Variants in CALN1 observed in about 807,000 individuals in gnomAD.
CALN1 encodes the protein calneuron 1.
In CALN1, 17 loss-of-function variants were observed where a neutral mutation model predicts 30.6. The observed-to-expected ratio is 0.56, with a 90% CI of 0.38 to 0.83. The LOEUF (loss-of-function observed/expected upper bound fraction) is 0.83. CALN1 is among the 40% of genes least tolerant of loss of function. CALN1 has a pLI of 0.00. For synonymous variants in CALN1, 156 were observed against 131.4 expected (o/e 1.19, Z -1.28); for missense variants, 291 against 354.9 (o/e 0.82, Z 1.45).
chr7:71,995,645 A>T (rs1799215221), intron 5 of CALN1, among the ~76,000 whole-genome samples: 1 of 152,070 alleles, frequency 6.6e-6, no homozygotes, highest in Non-Finnish European at 1.5e-5. Flanking sequence ...ACAGGCAAGG[A>T]GGATCTATTG....
intron 4 of CALN1, among the ~76,000 whole-genome samples, chr7:72,091,828 G>A (rs527320841): frequency 5.9e-5 from 9 of 152,304 alleles, no homozygotes; most frequent in African/African-American, 2.2e-4. Context: ...ATTTTAACAG[G>A]AGAAATGTAT....
intron 5 of CALN1, among the ~76,000 whole-genome samples, chr7:71,907,954 G>A (rs981427454): frequency 1.2e-4 from 18 of 152,220 alleles, no homozygotes; most frequent in African/African-American, 3.9e-4. Context: ...GCGTGTGTGC[G>A]CGTGGACATG....
chr7:71,828,570 T>C (rs1370980603), intron 5 of CALN1, among the ~76,000 whole-genome samples: 1 of 152,066 alleles, frequency 6.6e-6, no homozygotes, highest in Admixed American at 6.6e-5. Flanking sequence ...TGCAACCATC[T>C]GTCTCTCATC....
At chr7:72,108,940 T>A (rs1409278697) in intron 3 of CALN1, among the ~76,000 whole-genome samples, 5 of 152,198 alleles carry the variant, frequency 3.3e-5, no homozygotes, top group Non-Finnish European at 5.9e-5. Flanking sequence ...ATAGCCAAGT[T>A]ATCTCCCTTT....
At chr7:71,837,243 C>CAAAAAAAAAAAAAAAAAAAAA (rs55977265) in intron 5 of CALN1, among the ~76,000 whole-genome samples, 24 of 79,112 alleles carry the variant, frequency 3.0e-4, no homozygotes, top group African/African-American at 5.8e-4. Context: ...AAAAAAAAGA[C>CAAAAAAAAAAAAAAAAAAAAA]AAAAAAAAAA....
intron 3 of CALN1, among the ~76,000 whole-genome samples, chr7:72,267,233 A>AC (rs1202949827): frequency 1.3e-5 from 2 of 152,156 alleles, no homozygotes; most frequent in Admixed American, 6.5e-5. Flanking sequence ...ACGGGATAAA[A>AC]CAGTAGGGGA....
At chr7:72,187,439 C>G (rs1007235968) in intron 3 of CALN1, among the ~76,000 whole-genome samples, 1 of 152,194 alleles carries the variant, frequency 6.6e-6, no homozygotes, top group Non-Finnish European at 1.5e-5. Context: ...GGTGAGGGAA[C>G]ATTACCTCCT....
intron 5 of CALN1, among the ~76,000 whole-genome samples, chr7:71,926,788 T>A (rs1795292389): frequency 6.6e-6 from 1 of 152,220 alleles, no homozygotes; most frequent in Admixed American, 6.5e-5. Context: ...CAGTGATAAG[T>A]CCATCAAAGT....
At position 72,140,276 on chromosome 7, in the gene CALN1, AAG is replaced by A. The variant is rs71069028; in HGVS notation, c.245-33984_245-33983del. On this transcript the variant is annotated intron_variant, in intron 3 of 6. Coordinates refer to ENST00000395275, the MANE Select transcript of CALN1 (RefSeq NM_031468.4). Reference sequence around the variant, plus strand: ...ACAGAGTGAGACCTTGTCTCAAAATAAGAGAGAGAGAGAGAGAGAGAGAGAGA... The same window carrying A: ...ACAGAGTGAGACCTTGTCTCAAAATAAGAGAGAGAGAGAGAGAGAGAGAGA... 6.5e-3 allele frequency among the ~76,000 whole-genome samples: 783 copies of A among 119,908 alleles called. 8 individuals are homozygous for A. Among genetic ancestry groups the A allele is most frequent in the Non-Finnish European group, 0.01 (606 of 59,338 alleles). 78.7% of individuals were successfully genotyped at this position (119,908 alleles called of 152,430 possible). A position where few individuals can be genotyped will look rare whatever the true frequency, so the allele number is the denominator to read the frequency against.
intron 2 of CALN1, among the ~76,000 whole-genome samples, chr7:72,296,223 A>G (rs1364699525): frequency 6.6e-6 from 1 of 150,728 alleles, no homozygotes; most frequent in Admixed American, 6.7e-5. Flanking sequence ...CCACTTGATC[A>G]TGGTGGATAA....
intron 5 of CALN1, among the ~76,000 whole-genome samples, chr7:71,881,511 C>A (rs1439007909): frequency 6.6e-6 from 1 of 152,170 alleles, no homozygotes; most frequent in Non-Finnish European, 1.5e-5. Flanking sequence ...CTCCATTCCC[C>A]AACTTCTCCC....
At chr7:72,287,319 G>C (rs10950305) in intron 2 of CALN1, among the ~76,000 whole-genome samples, 1 of 151,878 alleles carries the variant, frequency 6.6e-6, no homozygotes, top group Admixed American at 6.6e-5. Context: ...TTGCTGTGCC[G>C]ATCTTTAAAT....
intron 4 of CALN1, among the ~76,000 whole-genome samples, chr7:72,053,804 C>T (rs1802996576): frequency 6.6e-6 from 1 of 151,672 alleles, no homozygotes; most frequent in Non-Finnish European, 1.5e-5. Flanking sequence ...ACCCTTCCCC[C>T]CAGGTCCCCA....
chr7:72,189,255 G>A (rs1036052880), intron 3 of CALN1, among the ~76,000 whole-genome samples: 2 of 152,270 alleles, frequency 1.3e-5, no homozygotes, highest in East Asian at 1.9e-4. Flanking sequence ...GAGCCAAGTG[G>A]TTGCACTATT....
At chr7:71,973,664 A>G (rs1309254918) in intron 5 of CALN1, among the ~76,000 whole-genome samples, 2 of 152,182 alleles carry the variant, frequency 1.3e-5, no homozygotes, top group African/African-American at 4.8e-5. Context: ...GTAAACCCTC[A>G]TTAAGAATTT....
intron 5 of CALN1, among the ~76,000 whole-genome samples, chr7:71,868,371 T>C (rs66620792): frequency 2.0e-5 from 2 of 98,084 alleles, no homozygotes; most frequent in African/African-American, 6.0e-5. Flanking sequence ...TGCTACACAC[T>C]TTTTTTTTTT....
At chr7:71,864,341 C>A (rs1791468354) in intron 5 of CALN1, among the ~76,000 whole-genome samples, 1 of 152,142 alleles carries the variant, frequency 6.6e-6, no homozygotes. Flanking sequence ...GTGAACCAGG[C>A]TCTGGTTGGC....
intron 5 of CALN1, among the ~76,000 whole-genome samples, chr7:71,913,116 G>A (rs1236315938): frequency 6.6e-6 from 1 of 152,224 alleles, no homozygotes; most frequent in Non-Finnish European, 1.5e-5. Flanking sequence ...GGATGTGCAT[G>A]ATCCACTCAG....
chr7:72,200,944 A>G (rs1488978277), intron 3 of CALN1, among the ~76,000 whole-genome samples: 1 of 152,240 alleles, frequency 6.6e-6, no homozygotes, highest in African/African-American at 2.4e-5. Context: ...TACCCAAAGG[A>G]AAATAAATCA....
Sources: allele counts gnomAD v4.1 joint callset (sites outside exome capture counted in the v4.1 genomes callset), GRCh38; gene constraint gnomAD v4.1.1; transcripts MANE v1.5; gene names NCBI Gene and HGNC (gene_info 2026-07-23, HGNC 2026-07-21).